MAN2B2: variants seen among roughly 807,000 people sequenced by gnomAD.
MAN2B2 encodes epididymis-specific alpha-mannosidase.
Under a neutral mutation model 117.1 loss-of-function variants are expected in MAN2B2, and 106 were observed. The ratio of observed to expected loss-of-function variants is 0.90; its 90% CI spans 0.77 to 1.06. MAN2B2 has a LOEUF of 1.06. Among genes scored for constraint, MAN2B2 ranks in the 50% least tolerant of loss-of-function variants. The pLI, the probability that MAN2B2 is intolerant of heterozygous loss-of-function variation, is 0.00. For synonymous variants in MAN2B2, 544 were observed against 595.1 expected (o/e 0.91, Z 1.25); for missense variants, 1,326 against 1,381.4 (o/e 0.96, Z 0.64).
In MAN2B2 at chr4:6,598,395, AG is replaced by A. The variant is rs139766346; in HGVS notation, c.1405+44del. ...CAGGGAGGCTGTGGCCCCTTTATGA[AG>A]GGAGAGCCTGAGGAGGTCAGGGGAG... On this transcript the variant is annotated intron_variant, in intron 9 of 18. Coordinates refer to ENST00000285599, the MANE Select transcript of MAN2B2 (RefSeq NM_015274.3). The A allele has an allele frequency of 4.6e-4, 730 of 1,590,672 alleles. 11 individuals are homozygous for A. The East Asian group carries it at 0.016, about 34-fold the overall frequency.
chr4:6,613,949 C>T (rs1212639877), intron 15 of MAN2B2, among the ~76,000 whole-genome samples: 1 of 152,198 alleles, frequency 6.6e-6, no homozygotes, highest in Non-Finnish European at 1.5e-5. Context: ...CCTCTGAGCT[C>T]TTTCCTCGTC....
chr4:6,609,164 G>C lies in MAN2B2; in HGVS notation c.1872G>C (p.Gly624=). ...TQEFLEYHVN[G]DVKQGPISDN... ...AATTCCTGGAGTACCACGTCAACGGGGATGTGAAACAGGGCCCCATTTCCG... is the reference window on the plus strand; with the variant it reads ...AATTCCTGGAGTACCACGTCAACGGCGATGTGAAACAGGGCCCCATTTCCG... The change falls in exon 12 of 19, where the codon GGG becomes GGC. Residue 624 remains glycine (G), a synonymous_variant. Transcript: ENST00000285599. 6.2e-7 allele frequency: 1 copy of C among 1,614,252 alleles called. No individual in the cohort carries two copies. Among genetic ancestry groups the C allele is most frequent in the African/African-American group, 1.3e-5 (1 of 75,078 alleles).
At chr4:6,608,152 C>T (rs1018521339) in intron 11 of MAN2B2, among the ~76,000 whole-genome samples, 2 of 152,198 alleles carry the variant, frequency 1.3e-5, no homozygotes, top group Non-Finnish European at 2.9e-5. Flanking sequence ...TTATGATTTG[C>T]AAATCCCTCC....
intron 16 of MAN2B2, among the ~76,000 whole-genome samples, chr4:6,617,133 CA>C (rs1711918003): frequency 6.6e-6 from 1 of 152,160 alleles, no homozygotes; most frequent in Admixed American, 6.5e-5. Flanking sequence ...TATTCACTAT[CA>C]CAAGAACAGC....
At chr4:6,579,277 CCACCAT>C (rs1560634902) in intron 3 of MAN2B2, among the ~76,000 whole-genome samples, 23 of 107,722 alleles carry the variant, frequency 2.1e-4, no homozygotes, top group African/African-American at 6.4e-4. Flanking sequence ...ACCATCACCA[CCACCAT>C]CACCATCACC....
chr4:6,594,446 C>A, intron 6 of MAN2B2, 88 bp from the exon 7 acceptor site: 1 of 1,346,682 alleles, frequency 7.4e-7, no homozygotes. Flanking sequence ...ACTGGGAGGG[C>A]AGCTGGTGGA....
At chr4:6,592,685 G>A (rs77455505) in intron 5 of MAN2B2, among the ~76,000 whole-genome samples, 5,505 of 152,196 alleles carry the variant, frequency 0.036, 115 homozygotes, top group Non-Finnish European at 0.052. Context: ...CTGCTACCCC[G>A]AGGCTGCACA....
At position 6,610,036 on chromosome 4, in the gene MAN2B2, A is replaced by G; in HGVS notation, c.2245A>G (p.Asn749Asp). ...QRRPYVSYVN[N>D]SIARNYYPMV... ...GAGGCCCTACGTTTCCTATGTGAAC[A>G]ACAGCATCGCCCGGGTATGTCCTGC... The change falls in exon 13 of 19, where the codon AAC becomes GAC. Residue 749 changes from asparagine (N) to aspartate (D), a missense_variant. Coordinates refer to ENST00000285599, the MANE Select transcript of MAN2B2 (RefSeq NM_015274.3). 1 of 1,614,158 alleles carries G rather than the reference A, an allele frequency of 6.2e-7. No individual in the cohort carries two copies. Among genetic ancestry groups the G allele is most frequent in the Non-Finnish European group, 8.5e-7 (1 of 1,180,012 alleles).
At chr4:6,615,809 T>A (rs571407922) in intron 16 of MAN2B2, among the ~76,000 whole-genome samples, 4,958 of 149,716 alleles carry the variant, frequency 0.033, 124 homozygotes, top group African/African-American at 0.069. Flanking sequence ...CTAAAAAAAT[T>A]TTTTTTTTCT....
intron 16 of MAN2B2, 126 bp downstream of exon 16, chr4:6,614,481 T>G: frequency 8.5e-7 from 1 of 1,174,828 alleles, no homozygotes; most frequent in Non-Finnish European, 1.2e-6. Flanking sequence ...ACCTGGTTTC[T>G]TATCTGGCAC....
chr4:6,587,548 C>T (rs1164915865), intron 4 of MAN2B2, among the ~76,000 whole-genome samples: 1 of 152,154 alleles, frequency 6.6e-6, no homozygotes, highest in Non-Finnish European at 1.5e-5. Context: ...GCTGGGAGAA[C>T]AGTTACCAGA....
chr4:6,617,679 A>C (rs1711952427), intron 17 of MAN2B2, 187 bp downstream of exon 17: 1 of 1,207,042 alleles, frequency 8.3e-7, no homozygotes, highest in Admixed American at 2.8e-5. Flanking sequence ...CTGGTTTTTT[A>C]GGGTTTTTTG....
chr4:6,576,779 T>A, intron 2 of MAN2B2, 55 bp downstream of exon 2: 3 of 1,601,250 alleles, frequency 1.9e-6, no homozygotes, highest in Non-Finnish European at 2.6e-6. Flanking sequence ...AAGACCCAGG[T>A]GGAAAACTCA....
intron 17 of MAN2B2, chr4:6,619,599 G>A: frequency 3.7e-6 from 1 of 273,386 alleles, no homozygotes; most frequent in Non-Finnish European, 7.2e-6. Context: ...TGGGCACGGG[G>A]CCACCTGAGC....
rs554300312 is a variant in MAN2B2 at position 6,587,223 on chromosome 4, T to C, written c.564+55T>C. The C allele has an allele frequency of 1.9e-6, 3 of 1,583,352 alleles. No homozygotes were observed. The African/African-American group carries it at 4.0e-5, about 21-fold the overall frequency. ...CAGCGACCGCTCCTCCCTTCCTTCC[T>C]TGAATCAGAGCACGGTAGAAAGCTG... On this transcript the variant is annotated intron_variant, in intron 4 of 18. Transcript: ENST00000285599.
Position 6,594,672 on chromosome 4 carries a change from C to T in MAN2B2, c.997C>T (p.His333Tyr). Residue 333 changes from histidine to tyrosine, a missense_variant, in exon 7 of 19, where the codon CAC (histidine) becomes TAC (tyrosine). His to Tyr is a moderately conservative substitution (Grantham distance 83). Coordinates refer to ENST00000285599, the MANE Select transcript of MAN2B2 (RefSeq NM_015274.3). ...GCTGGGCGACTACTTCCGTGCCCTG[C>T]ACGCTCTCAATGTCACCTGGCGTGT... is the stretch of plus-strand genomic sequence containing the variant. ...ATLGDYFRAL[H>Y]ALNVTWRVRD... 6.2e-7 allele frequency: 1 copy of T among 1,613,386 alleles called. No homozygotes were observed. Among genetic ancestry groups the T allele is most frequent in the Non-Finnish European group, 8.5e-7 (1 of 1,180,016 alleles).
intron 16 of MAN2B2, 119 bp downstream of exon 16, chr4:6,614,474 T>C: frequency 8.1e-7 from 1 of 1,238,998 alleles, no homozygotes; most frequent in Non-Finnish European, 1.1e-6. Flanking sequence ...CAAGGTCACC[T>C]GGTTTCTTAT....
chr4:6,582,026 G>A (rs755448059), intron 3 of MAN2B2, among the ~76,000 whole-genome samples: 4 of 152,154 alleles, frequency 2.6e-5, no homozygotes, highest in Middle Eastern at 3.4e-3. Flanking sequence ...GATGTTTAGC[G>A]GAGGCCCAGC....
At chr4:6,599,391 G>A (rs1333018983) in intron 9 of MAN2B2, among the ~76,000 whole-genome samples, 1 of 152,098 alleles carries the variant, frequency 6.6e-6, no homozygotes, top group Non-Finnish European at 1.5e-5. Context: ...GGCCAGGCAT[G>A]GTGGCTCACA....
Sources: gnomAD v4.1 joint callset for allele counts (sites outside exome capture counted in the v4.1 genomes callset) on GRCh38, gnomAD v4.1.1 for gene constraint, MANE v1.5 for transcripts, NCBI Gene and HGNC (gene_info 2026-07-23, HGNC 2026-07-21) for gene names.